The following PCDHA1 variants were observed in gnomAD, a reference collection of about 807,000 sequenced individuals.
PCDHA1 encodes protocadherin alpha-1.
PCDHA1 carries 42 observed loss-of-function variants against 61.3 expected under a neutral mutation model. That is an observed-to-expected ratio of 0.69 (90% CI 0.54 to 0.89). PCDHA1 has a LOEUF of 0.89. Among genes scored for constraint, PCDHA1 ranks in the 40% least tolerant of loss-of-function variants. The probability of loss-of-function intolerance (pLI) is 0.00; values close to 1 mark genes in which losing one functional copy is unlikely to be tolerated. For synonymous variants in PCDHA1, 610 were observed against 553.8 expected, an observed-to-expected ratio of 1.10 and a Z score of -1.43; for missense variants, 1,256 against 1,235.3, an observed-to-expected ratio of 1.02 and a Z score of -0.25.
At chr5:140,993,470 A>T (rs1348899420) in intron 3 of PCDHA1, among the ~76,000 whole-genome samples, 10 of 115,268 alleles carry the variant, frequency 8.7e-5, no homozygotes, top group East Asian at 7.9e-4. Flanking sequence ...TCTCACACAC[A>T]CACACACACA....
intron 1 of PCDHA1, chr5:140,968,442 T>G (rs1245424149): frequency 3.1e-6 from 5 of 1,613,950 alleles, no homozygotes; most frequent in Non-Finnish European, 4.2e-6. Context: ...AGCCCACCAC[T>G]GAGCAGCACT....
At chr5:140,843,007 GC>G in intron 1 of PCDHA1, 1 of 1,594,980 alleles carries the variant, frequency 6.3e-7, no homozygotes, top group Non-Finnish European at 8.6e-7. Flanking sequence ...ATGACAACGC[GC>G]CGGCACTGCT....
chr5:140,918,585 T>A (rs147777186), intron 1 of PCDHA1, among the ~76,000 whole-genome samples: 51 of 152,368 alleles, frequency 3.3e-4, no homozygotes, highest in African/African-American at 9.9e-4. Context: ...ATTGGCTATA[T>A]GTTCTATAGA....
chr5:140,802,529 G>A, intron 1 of PCDHA1: 2 of 1,614,208 alleles, frequency 1.2e-6, no homozygotes, highest in Non-Finnish European at 1.7e-6. Flanking sequence ...TGTCCGTGGA[G>A]GTGGCCGACG....
chr5:140,863,525 C>A, intron 1 of PCDHA1: 1 of 394,654 alleles, frequency 2.5e-6, no homozygotes, highest in South Asian at 2.0e-5. Context: ...TCCCATGGTT[C>A]AGATTTTGGA....
rs1195729562 is a variant in PCDHA1, at chr5:140,897,783, G to A, written c.2395-81166G>A. 1.3e-3 allele frequency among the ~76,000 whole-genome samples: 204 copies of A among 152,264 alleles called. 1 individual carries two copies. The highest frequency in any genetic ancestry group is 0.011 in the South Asian group (52 of 4,820). ...CGCCACACTGACTTCCACAATGGTTGAACTAGTTTAGAGTCCCACCAACAG... is the reference window on the plus strand; with the variant it reads ...CGCCACACTGACTTCCACAATGGTTAAACTAGTTTAGAGTCCCACCAACAG... On this transcript the variant is annotated intron_variant, in intron 1 of 3. Transcript: ENST00000504120.
chr5:140,954,615 C>A (rs782262504), intron 1 of PCDHA1, among the ~76,000 whole-genome samples: 16 of 151,806 alleles, frequency 1.1e-4, no homozygotes, highest in Non-Finnish European at 1.6e-4. Context: ...TTTTAATGGG[C>A]TTGTTTGGGT....
intron 1 of PCDHA1, chr5:140,882,120 CT>C (rs2058961361): frequency 6.9e-7 from 1 of 1,449,002 alleles, no homozygotes; most frequent in East Asian, 2.3e-5. Flanking sequence ...GCCGCCGTTT[CT>C]TTCTTCCTGC....
At chr5:140,867,316 T>C (rs1234644689) in intron 1 of PCDHA1, 5 of 152,146 alleles carry the variant, frequency 3.3e-5, no homozygotes, top group African/African-American at 1.2e-4. Context: ...TGTCATCTGG[T>C]CTAATGTTAT....
intron 1 of PCDHA1, chr5:140,861,590 GA>G: frequency 2.7e-6 from 1 of 372,284 alleles, no homozygotes; most frequent in South Asian, 2.5e-5. Flanking sequence ...ATGTGGAGGT[GA>G]AAGTGAAGAA....
intron 1 of PCDHA1, chr5:140,877,293 G>C (rs782717737): frequency 1.2e-6 from 2 of 1,613,936 alleles, no homozygotes; most frequent in Non-Finnish European, 1.7e-6. Context: ...ACGCTTGGCT[G>C]TCCTACGAGT....
In PCDHA1 at chr5:140,857,548, G is replaced by C. The variant is rs782667639; in HGVS notation, c.2394+68864G>C. Reference sequence around the variant, plus strand: ...CTCTGGTGGAGCGGCGGTTGGGCGAGCGCTCGCTGTCGAGCTACGTGTCGG... The same window carrying C: ...CTCTGGTGGAGCGGCGGTTGGGCGACCGCTCGCTGTCGAGCTACGTGTCGG... On this transcript the variant is annotated intron_variant, in intron 1 of 3. Coordinates refer to ENST00000504120, the MANE Select transcript of PCDHA1 (RefSeq NM_018900.4). The C allele has an allele frequency of 5.1e-5, 81 of 1,596,888 alleles. 3 individuals are homozygous for C. In the Middle Eastern group the frequency reaches 9.5e-4, roughly 19 times the overall value.
At chr5:140,882,339 G>A (rs1554173610) in intron 1 of PCDHA1, 1 of 1,614,162 alleles carries the variant, frequency 6.2e-7, no homozygotes, top group Admixed American at 1.7e-5. Flanking sequence ...CTCGCAGCCT[G>A]GGAGACGGGT....
chr5:140,829,557 T>C lies in PCDHA1; in HGVS notation c.2394+40873T>C, dbSNP rs138069346. On this transcript the variant is annotated intron_variant, in intron 1 of 3. Coordinates refer to ENST00000504120, the MANE Select transcript of PCDHA1 (RefSeq NM_018900.4). ...GACGCGGACGCGCAGGAGAACGCGC[T>C]GGTGTCCTACTCGCTGGTGGAGCGG... 4.3e-5 allele frequency: 70 copies of C among 1,612,672 alleles called. No homozygotes were observed. The highest frequency in any genetic ancestry group is 1.3e-4 in the Admixed American group (8 of 59,988).
chr5:140,830,021 C>A lies in PCDHA1; in HGVS notation c.2394+41337C>A, dbSNP rs2150179777. ...TGTCCTGGACGAAGCGGACTCTCCG[C>A]GCCACCGGCTGCTGGTGCTGGTGAA... On this transcript the variant is annotated intron_variant, in intron 1 of 3. Transcript: ENST00000504120. 4.3e-6 allele frequency: 7 copies of A among 1,613,920 alleles called. 1 individual carries two copies. Among genetic ancestry groups the A allele is most frequent in the Non-Finnish European group, 5.9e-6 (7 of 1,179,918 alleles).
chr5:140,857,042 C>A, intron 1 of PCDHA1: 1 of 1,595,550 alleles, frequency 6.3e-7, no homozygotes, highest in South Asian at 1.1e-5. Flanking sequence ...TATGGTTGGT[C>A]ACTGCACGGT....
intron 1 of PCDHA1, among the ~76,000 whole-genome samples, chr5:140,960,125 G>A (rs2153724181): frequency 6.6e-6 from 1 of 152,336 alleles, no homozygotes; most frequent in East Asian, 1.9e-4. Context: ...TATTCCTTAT[G>A]AAATACTTAG....
At chr5:140,979,738 G>T (rs754559318) in intron 2 of PCDHA1, among the ~76,000 whole-genome samples, 10 of 152,194 alleles carry the variant, frequency 6.6e-5, no homozygotes, top group East Asian at 1.9e-4. Context: ...CCAAATAAAA[G>T]ATTCATTATT....
At chr5:140,982,092 G>A (rs984553109) in intron 2 of PCDHA1, among the ~76,000 whole-genome samples, 1 of 152,218 alleles carries the variant, frequency 6.6e-6, no homozygotes, top group African/African-American at 2.4e-5. Context: ...CTAGGAACAA[G>A]AGAACCTGCA....
Sources: gnomAD v4.1 joint callset for allele counts (sites outside exome capture counted in the v4.1 genomes callset) on GRCh38, gnomAD v4.1.1 for gene constraint, MANE v1.5 for transcripts, NCBI Gene and HGNC (gene_info 2026-07-23, HGNC 2026-07-21) for gene names.